Variants in TNFRSF11A observed in about 807,000 individuals in gnomAD.
TNFRSF11A encodes tumor necrosis factor receptor superfamily member 11A.
A neutral mutation model predicts 55.7 loss-of-function variants in TNFRSF11A; 32 were observed. The observed-to-expected ratio is 0.57, with a 90% confidence interval of 0.43 to 0.77. The LOEUF (loss-of-function observed/expected upper bound fraction) is 0.77. Among genes scored for constraint, TNFRSF11A ranks in the 30% least tolerant of loss-of-function variants. The pLI, the probability that TNFRSF11A is intolerant of heterozygous loss-of-function variation, is 0.00. For missense variants in TNFRSF11A, 753 were observed against 809.8 expected, an observed-to-expected ratio of 0.93 and a Z score of 0.85; for synonymous variants, 311 against 331.0, an observed-to-expected ratio of 0.94 and a Z score of 0.65.
chr18:62,361,151 A>G (rs558413372), intron 6 of TNFRSF11A, among the ~76,000 whole-genome samples: 1 of 152,196 alleles, frequency 6.6e-6, no homozygotes. Context: ...AGTTTTGAGC[A>G]AGGATTCTAG....
intron 5 of TNFRSF11A, 103 bp downstream of exon 5, chr18:62,358,444 C>A: frequency 8.6e-7 from 1 of 1,163,942 alleles, no homozygotes; most frequent in Admixed American, 1.7e-5. Flanking sequence ...TTGGGTTAGG[C>A]TTCCTCTTGA....
intron 1 of TNFRSF11A, among the ~76,000 whole-genome samples, chr18:62,339,826 C>T (rs1277088223): frequency 2.6e-5 from 4 of 152,118 alleles, no homozygotes; most frequent in East Asian, 1.9e-4. Context: ...CGCTCTTACC[C>T]GGTGATTAAA....
chr18:62,354,770 T>A (rs994790932), intron 4 of TNFRSF11A, among the ~76,000 whole-genome samples: 1 of 152,170 alleles, frequency 6.6e-6, no homozygotes, highest in Non-Finnish European at 1.5e-5. Flanking sequence ...GCCTACATGC[T>A]CTGGCCATGG....
intron 9 of TNFRSF11A, chr18:62,378,023 G>C (rs962184951): frequency 3.3e-5 from 5 of 152,112 alleles, no homozygotes; most frequent in Non-Finnish European, 5.9e-5. Flanking sequence ...CCTGGGATAC[G>C]TATCAACTGC....
chr18:62,363,217 G>T (rs975459386), intron 7 of TNFRSF11A, among the ~76,000 whole-genome samples: 6 of 151,962 alleles, frequency 3.9e-5, no homozygotes, highest in Non-Finnish European at 7.4e-5. Context: ...TCACACTCTT[G>T]GACTTCAAGA....
intron 3 of TNFRSF11A, among the ~76,000 whole-genome samples, chr18:62,350,615 C>T (rs908403302): frequency 4.6e-5 from 7 of 152,186 alleles, no homozygotes; most frequent in African/African-American, 1.4e-4. Context: ...GATTGAGAAA[C>T]GGAGATTCAG....
intron 1 of TNFRSF11A, among the ~76,000 whole-genome samples, chr18:62,339,030 T>G (rs76629319): frequency 0.042 from 6,396 of 152,238 alleles, 434 homozygotes; most frequent in African/African-American, 0.14. Context: ...CATCTCTGTT[T>G]CCTCCATGAG....
At chr18:62,381,051 A>AC (rs1478329172) in intron 9 of TNFRSF11A, among the ~76,000 whole-genome samples, 2 of 151,940 alleles carry the variant, frequency 1.3e-5, no homozygotes, top group African/African-American at 4.8e-5. Context: ...GCATTCACCC[A>AC]CTTCGGCCTC....
intron 7 of TNFRSF11A, 25 bp from the exon 8 acceptor site, chr18:62,366,683 C>T (rs1367263073): frequency 6.2e-7 from 1 of 1,612,556 alleles, no homozygotes; most frequent in South Asian, 1.1e-5. Flanking sequence ...ACTTGAAGTC[C>T]TTATCCTTGC....
chr18:62,365,252 G>A lies in TNFRSF11A; in HGVS notation c.731-1456G>A, dbSNP rs552573083. 1.6e-3 allele frequency among the ~76,000 whole-genome samples: 238 copies of A among 152,204 alleles called. 2 individuals carry two copies. The highest frequency in any genetic ancestry group is 5.5e-3 in the African/African-American group (230 of 41,520). On this transcript the variant is annotated intron_variant, in intron 7 of 9. Transcript: ENST00000586569. ...GCTGGGATTACAGGTGTGAGCCACC[G>A]GGTCCAGCCCTAACTTTAGTCTTTA...
chr18:62,334,378 G>T (rs972915599), intron 1 of TNFRSF11A, among the ~76,000 whole-genome samples: 1 of 152,046 alleles, frequency 6.6e-6, no homozygotes, highest in Non-Finnish European at 1.5e-5. Context: ...AGACTATACC[G>T]TACCACTGTG....
intron 9 of TNFRSF11A, among the ~76,000 whole-genome samples, chr18:62,380,351 T>G (rs1911185197): frequency 6.6e-6 from 1 of 152,214 alleles, no homozygotes; most frequent in South Asian, 2.1e-4. Context: ...TTAGGTTTGT[T>G]AAAGAAACAC....
At chr18:62,377,132 G>A (rs186525882) in intron 9 of TNFRSF11A, among the ~76,000 whole-genome samples, 44 of 152,230 alleles carry the variant, frequency 2.9e-4, no homozygotes, top group African/African-American at 8.7e-4. Flanking sequence ...AGCCAAGATG[G>A]TCTCCATCTC....
intron 1 of TNFRSF11A, among the ~76,000 whole-genome samples, chr18:62,337,469 G>T (rs1401300651): frequency 1.3e-5 from 2 of 152,280 alleles, no homozygotes; most frequent in East Asian, 3.9e-4. Flanking sequence ...TCAGTTATGT[G>T]ACCTTATACC....
rs571013750 is a variant in TNFRSF11A, at chr18:62,345,459, G to GTAGGTTTCTGCTTAAGCTGGACCC, written c.76-2706_76-2683dup. Among the ~76,000 whole-genome samples the GTAGGTTTCTGCTTAAGCTGGACCC allele has an allele frequency of 4.7e-4, 71 of 152,292 alleles. 2 individuals carry two copies. In the South Asian group the frequency reaches 9.1e-3, roughly 20 times the overall value. On this transcript the variant is annotated intron_variant, in intron 1 of 9. Transcript: ENST00000586569. ...GTATATCATGTAACTAGAGAACAAA[G>GTAGGTTTCTGCTTAAGCTGGACCC]TAGGTTTCTGCTTAAGCTGGACCCT...
chr18:62,346,609 A>G (rs188267941), intron 1 of TNFRSF11A, among the ~76,000 whole-genome samples: 4 of 152,240 alleles, frequency 2.6e-5, no homozygotes, highest in South Asian at 2.1e-4. Context: ...CATCACCTCA[A>G]TAACACACTG....
chr18:62,370,891 G>A (rs189328434), intron 9 of TNFRSF11A, among the ~76,000 whole-genome samples: 6 of 151,280 alleles, frequency 4.0e-5, no homozygotes, highest in Admixed American at 6.6e-5. Context: ...GTGCAGTGGC[G>A]CGATCTCGGC....
At position 62,383,736 on chromosome 18, in the gene TNFRSF11A, A is replaced by G. The variant is rs1911455279; in HGVS notation, c.1568-1015A>G. ...AGACTGGCCACATCTAGTCACCCAC[A>G]AAGCAATGATGCTAGAACCCCTTAG... On this transcript the variant is annotated intron_variant, in intron 9 of 9. Coordinates refer to ENST00000586569, the MANE Select transcript of TNFRSF11A (RefSeq NM_003839.4). The surrounding 1 kb of genome is among the most constrained non-coding windows in gnomAD (Gnocchi z 4.2). Among the ~76,000 whole-genome samples, 1 of 152,224 alleles carries G rather than the reference A, an allele frequency of 6.6e-6. No homozygotes were observed. The highest frequency in any genetic ancestry group is 2.1e-4 in the South Asian group (1 of 4,828).
intron 9 of TNFRSF11A, among the ~76,000 whole-genome samples, chr18:62,380,111 G>A (rs1159638349): frequency 6.6e-6 from 1 of 152,168 alleles, no homozygotes; most frequent in Admixed American, 6.5e-5. Flanking sequence ...ATTTCATGAT[G>A]ACAGCAAAGC....
Sources: gnomAD v4.1 joint callset for allele counts (sites outside exome capture counted in the v4.1 genomes callset) on GRCh38, gnomAD v4.1.1 for gene constraint, Gnocchi (gnomAD v3.1) non-coding constraint, MANE v1.5 for transcripts, NCBI Gene and HGNC (gene_info 2026-07-23, HGNC 2026-07-21) for gene names.